The following SLC13A1 variants were observed in gnomAD, a reference collection of about 807,000 sequenced individuals.
The protein encoded by SLC13A1 is solute carrier family 13 member 1, also known as Na(+)/sulfate cotransporter.
SLC13A1 carries 65 observed loss-of-function variants against 70.0 expected under a neutral mutation model. That is an observed-to-expected ratio of 0.93 (90% CI 0.76 to 1.14). The LOEUF (loss-of-function observed/expected upper bound fraction) is 1.14. SLC13A1 is among the 50% of genes most tolerant of loss of function. The pLI, the probability that SLC13A1 is intolerant of heterozygous loss-of-function variation, is 0.00. For missense variants in SLC13A1, 726 were observed against 717.8 expected (o/e 1.01, Z -0.13); for synonymous variants, 275 against 250.5 (o/e 1.10, Z -0.92).
rs1420664215 is a variant in SLC13A1 at position 123,134,435 on chromosome 7, G to A, written c.907C>T (p.Leu303Phe). Residue 303 changes from leucine (L) to phenylalanine (F), a missense_variant, in exon 8 of 15, where the codon CTT (leucine) becomes TTT (phenylalanine). Transcript: ENST00000194130. ...TTGAATCCTAGGAAAAGCCACTGAA[G>A]CCAGATCCAGGATAAGAGTAGAATG... The part of the protein sequence containing the change: ...LIILLLSWIW[L>F]QWLFLGFNFK... The A allele has an allele frequency of 6.2e-7, 1 of 1,613,116 alleles. No individual in the cohort carries two copies. Among genetic ancestry groups the A allele is most frequent in the Admixed American group, 1.7e-5 (1 of 59,950 alleles).
At chr7:123,168,999 T>G (rs1028076269) in intron 4 of SLC13A1, 149 bp downstream of exon 4, 6 of 666,894 alleles carry the variant, frequency 9.0e-6, no homozygotes, top group Non-Finnish European at 1.5e-5. Flanking sequence ...AAACTATTTT[T>G]GTAGATACTG....
In SLC13A1 at chr7:123,114,743, T is replaced by A. The variant is rs1793124302; in HGVS notation, c.*775A>T. The A allele has an allele frequency of 6.6e-6, 1 of 152,218 alleles. No individual in the cohort carries two copies. The highest frequency in any genetic ancestry group is 2.4e-5 in the African/African-American group (1 of 41,464). The allele number at this position is 152,218 out of a possible 1,614,324, so 9.4% of individuals were successfully genotyped here. Reference sequence around the variant, plus strand: ...TCAGCTTTCCTTTCTAACTATACTGTACTAATAGTGCAAATCATAGCAAGC... The same window carrying A: ...TCAGCTTTCCTTTCTAACTATACTGAACTAATAGTGCAAATCATAGCAAGC... On this transcript the variant is annotated 3_prime_UTR_variant, in exon 15 of 15. Coordinates refer to ENST00000194130, the MANE Select transcript of SLC13A1 (RefSeq NM_022444.4).
chr7:123,120,364 A>T lies in SLC13A1; in HGVS notation c.1351-1122T>A, dbSNP rs552103689. On this transcript the variant is annotated intron_variant, in intron 12 of 14. Coordinates refer to ENST00000194130, the MANE Select transcript of SLC13A1 (RefSeq NM_022444.4). ...TGCATTTGTAGAATTCTAGGTTCAA[A>T]ATAATTATAACTCCACACTTCTAAG... is the stretch of plus-strand genomic sequence containing the variant. Among the ~76,000 whole-genome samples the T allele has an allele frequency of 2.6e-5, 4 of 152,184 alleles. No individual in the cohort carries two copies. The South Asian group carries it at 8.3e-4, about 32-fold the overall frequency.
At chr7:123,134,307 A>G (rs1190591045) in intron 8 of SLC13A1, 103 bp downstream of exon 8, 7 of 1,066,170 alleles carry the variant, frequency 6.6e-6, no homozygotes, top group Non-Finnish European at 9.5e-6. Flanking sequence ...AAAATGCAGA[A>G]AGGTAGCCTG....
chr7:123,145,935 A>G (rs1794333528), intron 7 of SLC13A1, among the ~76,000 whole-genome samples: 1 of 152,154 alleles, frequency 6.6e-6, no homozygotes, highest in Non-Finnish European at 1.5e-5. Flanking sequence ...CACAGAGAGT[A>G]GTTTTCCTGC....
At chr7:123,171,717 A>C (rs1433971660) in intron 3 of SLC13A1, 51 bp downstream of exon 3, 5 of 1,586,918 alleles carry the variant, frequency 3.2e-6, no homozygotes, top group African/African-American at 1.3e-5. Flanking sequence ...TGCTCTGCAC[A>C]AAAATGGTCT....
chr7:123,199,391 C>A (rs1335604718), intron 1 of SLC13A1, among the ~76,000 whole-genome samples: 1 of 152,056 alleles, frequency 6.6e-6, no homozygotes, highest in Non-Finnish European at 1.5e-5. Context: ...CCAGGAAGTT[C>A]TGTGACAAAG....
chr7:123,171,620 C>T (rs1415053865), intron 3 of SLC13A1, 148 bp downstream of exon 3: 13 of 797,632 alleles, frequency 1.6e-5, no homozygotes, highest in Non-Finnish European at 2.7e-5. Flanking sequence ...CACTTTATAT[C>T]ACTTTCATAT....
In SLC13A1 at chr7:123,147,284, T is replaced by C; in HGVS notation, c.687A>G (p.Arg229=). ...EKNSGMRTKY[R]TKKGHVTRKL... The stretch of plus-strand genomic sequence containing the variant: ...TACGTGTCACGTGGCCCTTCTTTGT[T>C]CGATATTTGGTTCTCATGCCTGAGT... Residue 229 remains arginine, a synonymous_variant, in exon 7 of 15, where the codon CGA becomes CGG. Coordinates refer to ENST00000194130, the MANE Select transcript of SLC13A1 (RefSeq NM_022444.4). 6.2e-7 allele frequency: 1 copy of C among 1,613,552 alleles called. No individual in the cohort carries two copies. Among genetic ancestry groups the C allele is most frequent in the Non-Finnish European group, 8.5e-7 (1 of 1,179,762 alleles).
At chr7:123,182,205 T>A (rs1795662523) in intron 1 of SLC13A1, among the ~76,000 whole-genome samples, 1 of 152,180 alleles carries the variant, frequency 6.6e-6, no homozygotes, top group Non-Finnish European at 1.5e-5. Flanking sequence ...CTTGAATGGA[T>A]CTTCCTGAAC....
chr7:123,175,034 C>A (rs1585380958), intron 2 of SLC13A1, among the ~76,000 whole-genome samples: 1 of 151,874 alleles, frequency 6.6e-6, no homozygotes, highest in South Asian at 2.1e-4. Context: ...TTATTTATCC[C>A]CTTTATTACA....
At chr7:123,163,468 C>G (rs1794976040) in intron 6 of SLC13A1, among the ~76,000 whole-genome samples, 1 of 152,058 alleles carries the variant, frequency 6.6e-6, no homozygotes, top group African/African-American at 2.4e-5. Context: ...GAAAGTGACT[C>G]TTCGATGTGA....
At position 123,147,265 on chromosome 7, in the gene SLC13A1, T is replaced by C. The variant is rs1794390337; in HGVS notation, c.706A>G (p.Thr236Ala). Reference protein sequence around the residue: ...TKYRTKKGHVTRKLTCLCIAY... With the variant: ...TKYRTKKGHVARKLTCLCIAY... ...ATGCACAAACACGTAAGTTTACGTG[T>C]CACGTGGCCCTTCTTTGTTCGATAT... Residue 236 changes from threonine (T) to alanine (A), a missense_variant, in exon 7 of 15, where the codon ACA becomes GCA. Thr to Ala is a moderately conservative substitution (Grantham distance 58). Transcript: ENST00000194130. 2 of 1,613,570 alleles carry C rather than the reference T, an allele frequency of 1.2e-6. No individual in the cohort carries two copies. Among genetic ancestry groups the C allele is most frequent in the Non-Finnish European group, 1.7e-6 (2 of 1,179,810 alleles).
chr7:123,128,912 T>C lies in SLC13A1; in HGVS notation c.1066A>G (p.Ile356Val). 1.9e-6 allele frequency: 3 copies of C among 1,613,568 alleles called. No individual in the cohort carries two copies. The highest frequency in any genetic ancestry group is 1.3e-5 in the African/African-American group (1 of 75,012). ...QEIVTLVLFI[I>V]MALLWFSRDP... ...CGACTAAACCATAGCAGAGCCATTA[T>C]AATGAAGAGGACCAAGGTCACAATT... The change falls in exon 10 of 15, where the codon ATA (isoleucine) becomes GTA (valine). Residue 356 changes from isoleucine (I) to valine (V), a missense_variant. By Grantham distance (29) the Ile-to-Val change is conservative (BLOSUM62 3). Transcript: ENST00000194130.
At chr7:123,141,264 T>G (rs1794129130) in intron 7 of SLC13A1, among the ~76,000 whole-genome samples, 1 of 152,274 alleles carries the variant, frequency 6.6e-6, no homozygotes, top group African/African-American at 2.4e-5. Context: ...TCTATTGTGG[T>G]TAGAGAAGAT....
intron 7 of SLC13A1, among the ~76,000 whole-genome samples, chr7:123,141,383 G>T (rs1563327443): frequency 6.6e-6 from 1 of 152,152 alleles, no homozygotes; most frequent in African/African-American, 2.4e-5. Flanking sequence ...TGTGTATACT[G>T]CAGCCATTTG....
chr7:123,169,601 G>C (rs1307585435), intron 3 of SLC13A1, among the ~76,000 whole-genome samples: 3 of 152,200 alleles, frequency 2.0e-5, no homozygotes, highest in African/African-American at 7.2e-5. Flanking sequence ...ACAGAAAAAT[G>C]ATTAAAACTA....
At chr7:123,147,971 TC>T (rs532483163) in intron 6 of SLC13A1, among the ~76,000 whole-genome samples, 10 of 151,614 alleles carry the variant, frequency 6.6e-5, no homozygotes, top group Non-Finnish European at 8.8e-5. Context: ...AAGAAGGGTT[TC>T]CCCATCTACA....
chr7:123,161,087 TAGAG>T (rs535361797), intron 6 of SLC13A1, among the ~76,000 whole-genome samples: 19 of 151,504 alleles, frequency 1.3e-4, no homozygotes, highest in Non-Finnish European at 2.1e-4. Context: ...ATACATTAAA[TAGAG>T]AGGGTGAAAG....
Sources: allele counts gnomAD v4.1 joint callset (sites outside exome capture counted in the v4.1 genomes callset), GRCh38; gene constraint gnomAD v4.1.1; transcripts MANE v1.5; gene names NCBI Gene and HGNC (gene_info 2026-07-23, HGNC 2026-07-21).